The following LYPD6 variants were observed in gnomAD, a reference collection of about 807,000 sequenced individuals.
The protein encoded by LYPD6 is LY6/PLAUR domain containing 6.
In LYPD6, 15 loss-of-function variants were observed where a neutral mutation model predicts 22.7. The ratio of observed to expected loss-of-function variants is 0.66; its 90% CI spans 0.44 to 1.02. The LOEUF (loss-of-function observed/expected upper bound fraction) is 1.02, where lower values mean the gene tolerates loss of function less well. LYPD6 is among the 50% of genes least tolerant of loss of function. The pLI is 0.00. For missense variants in LYPD6, 189 were observed against 208.4 expected, an observed-to-expected ratio of 0.91 and a Z score of 0.57; for synonymous variants, 72 against 77.5, an observed-to-expected ratio of 0.93 and a Z score of 0.37.
At chr2:149,463,138 A>G (rs1239259533) in intron 3 of LYPD6, among the ~76,000 whole-genome samples, 2 of 152,168 alleles carry the variant, frequency 1.3e-5, no homozygotes, top group Non-Finnish European at 2.9e-5. Context: ...TGCAAATCAC[A>G]TATCTGACAA....
intron 1 of LYPD6, among the ~76,000 whole-genome samples, chr2:149,343,964 A>G (rs1218572061): frequency 6.6e-6 from 1 of 152,200 alleles, no homozygotes; most frequent in Non-Finnish European, 1.5e-5. Context: ...TTAGTAACTG[A>G]ATGTTCACTC....
chr2:149,382,143 C>A lies in LYPD6; in HGVS notation c.-72+51421C>A, dbSNP rs1053607226. ...AACCTTCTTAATAGGAAAAACATAA[C>A]CTTGTTAATGGAAGTTTTGGTTGCT... On this transcript the variant is annotated intron_variant, in intron 1 of 4. Coordinates refer to ENST00000334166, the MANE Select transcript of LYPD6 (RefSeq NM_194317.5). Among the ~76,000 whole-genome samples, 15 of 152,186 alleles carry A rather than the reference C, an allele frequency of 9.9e-5. No individual in the cohort carries two copies. In the East Asian group the frequency reaches 1.2e-3, roughly 12 times the overall value.
At chr2:149,438,714 A>G (rs778878605) in intron 2 of LYPD6, among the ~76,000 whole-genome samples, 2 of 152,248 alleles carry the variant, frequency 1.3e-5, no homozygotes, top group Non-Finnish European at 2.9e-5. Flanking sequence ...CATAGTCTAC[A>G]AAGTGAAGGC....
downstream of LYPD6, among the ~76,000 whole-genome samples, chr2:149,474,912 G>T (rs2105189292): frequency 6.6e-6 from 1 of 152,292 alleles, no homozygotes; most frequent in South Asian, 2.1e-4. Flanking sequence ...GGGATTACAG[G>T]TGTCTGCCAC....
intron 1 of LYPD6, among the ~76,000 whole-genome samples, chr2:149,410,481 A>G (rs1205217379): frequency 6.6e-6 from 1 of 152,178 alleles, no homozygotes; most frequent in Non-Finnish European, 1.5e-5. Flanking sequence ...TGCTGTGACT[A>G]AGGTGCAGTT....
intron 3 of LYPD6, among the ~76,000 whole-genome samples, chr2:149,460,180 A>G (rs1054815520): frequency 1.3e-5 from 2 of 152,210 alleles, no homozygotes; most frequent in Non-Finnish European, 2.9e-5. Flanking sequence ...GTCTTACCAT[A>G]TCAATAACTA....
At chr2:149,338,499 G>T (rs1333720425) in intron 1 of LYPD6, among the ~76,000 whole-genome samples, 1 of 152,132 alleles carries the variant, frequency 6.6e-6, no homozygotes, top group East Asian at 1.9e-4. Flanking sequence ...TTTGGACAGA[G>T]CCCTCATGAG....
At chr2:149,384,984 GT>G (rs1228495248) in intron 1 of LYPD6, among the ~76,000 whole-genome samples, 9 of 149,936 alleles carry the variant, frequency 6.0e-5, no homozygotes, top group African/African-American at 2.2e-4. Flanking sequence ...GTGGTGTCTG[GT>G]TTTTTGTCCT....
At chr2:149,342,954 A>G (rs17432677) in intron 1 of LYPD6, among the ~76,000 whole-genome samples, 46,646 of 152,110 alleles carry the variant, frequency 0.31, 7,362 homozygotes, top group Middle Eastern at 0.39. Context: ...TGGAGGCTCA[A>G]CTTTCTCAAT....
chr2:149,436,153 G>A (rs548817594), intron 1 of LYPD6, among the ~76,000 whole-genome samples: 12 of 152,136 alleles, frequency 7.9e-5, no homozygotes, highest in South Asian at 2.1e-4. Flanking sequence ...TGATTGGGTC[G>A]TATTGATTTT....
chr2:149,454,505 T>C (rs1036711609), intron 3 of LYPD6, among the ~76,000 whole-genome samples: 3 of 152,234 alleles, frequency 2.0e-5, no homozygotes, highest in African/African-American at 7.2e-5. Context: ...TATTCCACTA[T>C]TGAAGGACAT....
At chr2:149,465,756 C>T (rs138259486) in intron 3 of LYPD6, among the ~76,000 whole-genome samples, 21 of 152,288 alleles carry the variant, frequency 1.4e-4, no homozygotes, top group African/African-American at 3.4e-4. Flanking sequence ...TGTGTGCATG[C>T]GTGCACATGG....
chr2:149,385,104 C>T (rs752929343), intron 1 of LYPD6, among the ~76,000 whole-genome samples: 1 of 152,090 alleles, frequency 6.6e-6, no homozygotes, highest in African/African-American at 2.4e-5. Context: ...ATTTCCTCTC[C>T]TTTCATTTTA....
intron 3 of LYPD6, among the ~76,000 whole-genome samples, chr2:149,467,091 A>G (rs1681217644): frequency 6.6e-6 from 1 of 152,230 alleles, no homozygotes; most frequent in African/African-American, 2.4e-5. Flanking sequence ...TCAACAGAAA[A>G]GCAATCACTC....
intron 4 of LYPD6, among the ~76,000 whole-genome samples, chr2:149,469,274 A>G (rs1463162135): frequency 1.3e-5 from 2 of 152,170 alleles, no homozygotes; most frequent in Non-Finnish European, 2.9e-5. Context: ...TGTTCGCTTA[A>G]GCTTCACCTG....
In LYPD6 at chr2:149,374,811, G is replaced by A. The variant is rs566260496; in HGVS notation, c.-72+44089G>A. ...GGATGAAATTTGATTTTACAGCATA[G>A]TCATATTTATGCAATATGATATTAT... On this transcript the variant is annotated intron_variant, in intron 1 of 4. Coordinates refer to ENST00000334166, the MANE Select transcript of LYPD6 (RefSeq NM_194317.5). Among the ~76,000 whole-genome samples, 3 of 152,292 alleles carry A rather than the reference G, an allele frequency of 2.0e-5. No individual in the cohort carries two copies. In the South Asian group the frequency reaches 6.2e-4, roughly 32 times the overall value.
At chr2:149,410,648 T>C (rs1018063447) in intron 1 of LYPD6, among the ~76,000 whole-genome samples, 3 of 152,198 alleles carry the variant, frequency 2.0e-5, no homozygotes, top group African/African-American at 4.8e-5. Flanking sequence ...CTAAAGTCGT[T>C]GATTCCTGAT....
chr2:149,358,401 C>T (rs1681509582), intron 1 of LYPD6, among the ~76,000 whole-genome samples: 1 of 152,274 alleles, frequency 6.6e-6, no homozygotes, highest in Admixed American at 6.5e-5. Context: ...AAGATAGGGA[C>T]TGGCTGGTTG....
At chr2:149,429,055 T>G (rs560177591) in intron 1 of LYPD6, among the ~76,000 whole-genome samples, 2 of 152,272 alleles carry the variant, frequency 1.3e-5, no homozygotes, top group African/African-American at 4.8e-5. Context: ...GTCCTTCTGC[T>G]TCAGCTTGAA....
Sources: gnomAD v4.1 joint callset for allele counts (sites outside exome capture counted in the v4.1 genomes callset) on GRCh38, gnomAD v4.1.1 for gene constraint, MANE v1.5 for transcripts, NCBI Gene and HGNC (gene_info 2026-07-23, HGNC 2026-07-21) for gene names.